Variants in RUNDC3B observed in about 807,000 individuals in gnomAD.
RUNDC3B encodes the protein RUN domain-containing protein 3B.
RUNDC3B carries 33 observed loss-of-function variants against 58.4 expected under a neutral mutation model. That is an observed-to-expected ratio of 0.56 (90% CI 0.43 to 0.75). The LOEUF is 0.75. RUNDC3B is among the 30% of genes least tolerant of loss of function. The pLI is 0.00. For missense variants in RUNDC3B, 501 were observed against 535.7 expected (o/e 0.94, Z 0.64); for synonymous variants, 193 against 195.2 (o/e 0.99, Z 0.10).
intron 3 of RUNDC3B, among the ~76,000 whole-genome samples, chr7:87,706,711 AT>A (rs1829624216): frequency 6.6e-6 from 1 of 152,050 alleles, no homozygotes; most frequent in Admixed American, 6.6e-5. Context: ...GGAGGTGGAG[AT>A]TTTTATTTCC....
intron 2 of RUNDC3B, among the ~76,000 whole-genome samples, chr7:87,699,284 C>T (rs1828792042): frequency 6.6e-6 from 1 of 152,094 alleles, no homozygotes; most frequent in Non-Finnish European, 1.5e-5. Flanking sequence ...GATTAAACAA[C>T]TTTCCTAGGG....
At chr7:87,675,653 C>CAAAAAAAAAAAA (rs200136132) in intron 2 of RUNDC3B, among the ~76,000 whole-genome samples, 1 of 65,846 alleles carries the variant, frequency 1.5e-5, no homozygotes, top group African/African-American at 5.8e-5. Context: ...TATTCACATG[C>CAAAAAAAAAAAA]AAAAAAAAAA....
At chr7:87,737,014 C>T (rs1209927112) in intron 4 of RUNDC3B, among the ~76,000 whole-genome samples, 1 of 149,326 alleles carries the variant, frequency 6.7e-6, no homozygotes, top group Non-Finnish European at 1.5e-5. Context: ...CCTCTCACCT[C>T]AGCCTCCCAA....
At chr7:87,772,826 T>C (rs533448639) in intron 7 of RUNDC3B, among the ~76,000 whole-genome samples, 1 of 152,192 alleles carries the variant, frequency 6.6e-6, no homozygotes, top group South Asian at 2.1e-4. Flanking sequence ...TCTTAGATTT[T>C]TTGAAAAATA....
intron 6 of RUNDC3B, among the ~76,000 whole-genome samples, chr7:87,745,724 A>G (rs1235839871): frequency 2.0e-5 from 3 of 152,082 alleles, no homozygotes; most frequent in Admixed American, 6.6e-5. Flanking sequence ...CTGATGGTCT[A>G]TCAATTTTAT....
chr7:87,675,495 A>T (rs1036378994), intron 2 of RUNDC3B, among the ~76,000 whole-genome samples: 1 of 152,116 alleles, frequency 6.6e-6, no homozygotes, highest in Non-Finnish European at 1.5e-5. Context: ...GTACTAAAAC[A>T]AAAACAGATA....
intron 2 of RUNDC3B, among the ~76,000 whole-genome samples, chr7:87,667,682 T>A (rs191253509): frequency 6.6e-6 from 1 of 152,112 alleles, no homozygotes; most frequent in Non-Finnish European, 1.5e-5. Context: ...TCACTGAGAG[T>A]TTTTAACATG....
At chr7:87,765,378 G>A (rs1187769682) in intron 6 of RUNDC3B, among the ~76,000 whole-genome samples, 2 of 151,796 alleles carry the variant, frequency 1.3e-5, no homozygotes, top group African/African-American at 4.8e-5. Context: ...GTTCCTTGAA[G>A]TGTAACATTT....
chr7:87,734,338 A>G (rs1831789858), intron 4 of RUNDC3B, among the ~76,000 whole-genome samples: 1 of 152,192 alleles, frequency 6.6e-6, no homozygotes, highest in African/African-American at 2.4e-5. Context: ...AGGCATAAAA[A>G]GAAATGTAGT....
At chr7:87,642,759 C>T (rs1184441056) in intron 1 of RUNDC3B, among the ~76,000 whole-genome samples, 1 of 152,038 alleles carries the variant, frequency 6.6e-6, no homozygotes, top group Non-Finnish European at 1.5e-5. Flanking sequence ...GTTTGGCAAT[C>T]TGCTGTCATC....
At chr7:87,665,355 T>A (rs1354190491) in intron 2 of RUNDC3B, among the ~76,000 whole-genome samples, 1 of 152,046 alleles carries the variant, frequency 6.6e-6, no homozygotes, top group African/African-American at 2.4e-5. Context: ...AAAAGAATAA[T>A]ATACTTAGGA....
rs76890023 is a variant in RUNDC3B at position 87,778,928 on chromosome 7, C to T, written c.956+973C>T. ...ATTTCAAACTTTCAGAAAAATTATACGGACAGTTCAAAGAATTCCCATATG... is the reference window on the plus strand; with the variant it reads ...ATTTCAAACTTTCAGAAAAATTATATGGACAGTTCAAAGAATTCCCATATG... On this transcript the variant is annotated intron_variant, in intron 8 of 10. Transcript: ENST00000394654. Among the ~76,000 whole-genome samples, 629 of 152,152 alleles carry T rather than the reference C, an allele frequency of 4.1e-3. 8 individuals are homozygous for T. The East Asian group carries it at 0.052, about 13-fold the overall frequency.
chr7:87,678,002 A>G (rs1398103273), intron 2 of RUNDC3B, among the ~76,000 whole-genome samples: 10 of 152,250 alleles, frequency 6.6e-5, no homozygotes, highest in Admixed American at 6.5e-4. Flanking sequence ...AAGGAAAACT[A>G]AGAATTATTA....
At chr7:87,711,641 A>G (rs1830095571) in intron 4 of RUNDC3B, among the ~76,000 whole-genome samples, 2 of 152,170 alleles carry the variant, frequency 1.3e-5, no homozygotes. Context: ...AAACTGTTTA[A>G]TGTAGCCACT....
intron 4 of RUNDC3B, among the ~76,000 whole-genome samples, chr7:87,718,585 T>G (rs780644864): frequency 6.6e-6 from 1 of 152,134 alleles, no homozygotes; most frequent in Non-Finnish European, 1.5e-5. Context: ...GCACACCATA[T>G]TCATACATCT....
At chr7:87,647,832 A>G (rs940016721) in intron 1 of RUNDC3B, among the ~76,000 whole-genome samples, 10 of 152,288 alleles carry the variant, frequency 6.6e-5, no homozygotes, top group Non-Finnish European at 1.5e-4. Context: ...GCATCTGAAA[A>G]TGGATAATCA....
At chr7:87,816,796 T>C (rs1308940037) in intron 10 of RUNDC3B, among the ~76,000 whole-genome samples, 1 of 152,216 alleles carries the variant, frequency 6.6e-6, no homozygotes, top group Non-Finnish European at 1.5e-5. Context: ...CTTCCCAACA[T>C]CATTTGGTCC....
At chr7:87,805,518 A>C (rs1193845937) in intron 8 of RUNDC3B, among the ~76,000 whole-genome samples, 1 of 152,224 alleles carries the variant, frequency 6.6e-6, no homozygotes, top group East Asian at 1.9e-4. Flanking sequence ...AGGATTTCTA[A>C]GGACAAAGGT....
intron 4 of RUNDC3B, among the ~76,000 whole-genome samples, chr7:87,720,146 A>C (rs1830789028): frequency 1.3e-5 from 2 of 152,140 alleles, no homozygotes; most frequent in African/African-American, 4.8e-5. Flanking sequence ...GAAAAGACTA[A>C]AAATTTGATA....
Sources: gnomAD v4.1 joint callset for allele counts (sites outside exome capture counted in the v4.1 genomes callset) on GRCh38, gnomAD v4.1.1 for gene constraint, MANE v1.5 for transcripts, NCBI Gene and HGNC (gene_info 2026-07-23, HGNC 2026-07-21) for gene names.